The following LRBA variants were observed in gnomAD, a reference collection of about 807,000 sequenced individuals.
LRBA encodes the protein LPS responsive beige-like anchor protein.
Under a neutral mutation model 330.0 loss-of-function variants are expected in LRBA, and 176 were observed. That is an observed-to-expected ratio of 0.53 (90% CI 0.47 to 0.60). The LOEUF (loss-of-function observed/expected upper bound fraction) is 0.60. LRBA is among the 20% of genes least tolerant of loss of function. The pLI, the probability that LRBA is intolerant of heterozygous loss-of-function variation, is 0.00. For synonymous variants in LRBA, 1,230 were observed against 1,193.0 expected, an observed-to-expected ratio of 1.03 and a Z score of -0.64; for missense variants, 3,259 against 3,444.8, an observed-to-expected ratio of 0.95 and a Z score of 1.35.
intron 30 of LRBA, among the ~76,000 whole-genome samples, chr4:150,819,760 A>T (rs982650683): frequency 6.6e-6 from 1 of 152,120 alleles, no homozygotes. Context: ...ACACAACAAA[A>T]GAACTCAACT....
At chr4:150,316,479 C>A (rs929365202) in intron 50 of LRBA, among the ~76,000 whole-genome samples, 1 of 152,100 alleles carries the variant, frequency 6.6e-6, no homozygotes, top group Non-Finnish European at 1.5e-5. Context: ...AAATCATAAA[C>A]CCTAAAACAG....
chr4:150,496,999 G>T (rs980871690), intron 40 of LRBA, among the ~76,000 whole-genome samples: 1 of 151,718 alleles, frequency 6.6e-6, no homozygotes, highest in African/African-American at 2.4e-5. Context: ...CTTTAATATG[G>T]AAAAACTAAT....
chr4:150,818,394 A>G (rs1744903575), intron 30 of LRBA, among the ~76,000 whole-genome samples: 1 of 151,996 alleles, frequency 6.6e-6, no homozygotes, highest in Admixed American at 6.6e-5. Context: ...TATAAGGGTG[A>G]CTGCCAATGT....
chr4:150,322,371 A>T (rs924159538), intron 49 of LRBA, among the ~76,000 whole-genome samples: 1 of 152,194 alleles, frequency 6.6e-6, no homozygotes, highest in African/African-American at 2.4e-5. Flanking sequence ...GCTATCATAC[A>T]GTAATTGCAC....
At chr4:150,759,636 A>C (rs941792128) in intron 35 of LRBA, among the ~76,000 whole-genome samples, 2 of 151,910 alleles carry the variant, frequency 1.3e-5, no homozygotes, top group African/African-American at 4.8e-5. Context: ...ATTTTTTCTC[A>C]CAGTACTAAC....
chr4:150,457,441 G>T lies in LRBA; in HGVS notation c.6780+10232C>A, dbSNP rs187876337. Among the ~76,000 whole-genome samples the T allele has an allele frequency of 3.9e-5, 6 of 152,036 alleles. No individual in the cohort carries two copies. The East Asian group carries it at 1.2e-3, about 29-fold the overall frequency. On this transcript the variant is annotated intron_variant, in intron 44 of 56. Coordinates refer to ENST00000651943, the MANE Select transcript of LRBA (RefSeq NM_001364905.1). ...ATTATTTGAACAAACACATTGAATA[G>T]AACTTGGAGAATAGAATTGGACAGG...
At chr4:150,655,972 C>T (rs1285855020) in intron 37 of LRBA, among the ~76,000 whole-genome samples, 1 of 152,116 alleles carries the variant, frequency 6.6e-6, no homozygotes, top group African/African-American at 2.4e-5. Context: ...CCATCGCAAA[C>T]CTAGTCTAAC....
At chr4:150,729,752 G>C (rs1185919360) in intron 36 of LRBA, among the ~76,000 whole-genome samples, 1 of 152,056 alleles carries the variant, frequency 6.6e-6, no homozygotes, top group Non-Finnish European at 1.5e-5. Context: ...TTATATTACT[G>C]AGTTATAGTA....
chr4:150,825,362 A>C (rs991308867), intron 30 of LRBA, among the ~76,000 whole-genome samples: 1 of 151,986 alleles, frequency 6.6e-6, no homozygotes, highest in African/African-American at 2.4e-5. Flanking sequence ...CACGCAGTTC[A>C]TCTCTTTTTA....
chr4:150,629,316 G>A (rs752790489), intron 37 of LRBA, among the ~76,000 whole-genome samples: 6 of 152,114 alleles, frequency 3.9e-5, no homozygotes, highest in South Asian at 2.1e-4. Flanking sequence ...AAACTACAAC[G>A]GCCCACCAAT....
At chr4:150,385,577 A>C (rs1441803555) in intron 47 of LRBA, among the ~76,000 whole-genome samples, 1 of 152,194 alleles carries the variant, frequency 6.6e-6, no homozygotes, top group East Asian at 1.9e-4. Flanking sequence ...AAAAGAAAAA[A>C]GAAAGATGAA....
chr4:150,581,982 AAG>A (rs1332277217), intron 40 of LRBA: 1 of 145,854 alleles, frequency 6.9e-6, no homozygotes, highest in Non-Finnish European at 1.5e-5. Flanking sequence ...TAGAGGAAAG[AAG>A]AGAGAGCGAG....
At chr4:150,577,126 T>A (rs1398341575) in intron 40 of LRBA, among the ~76,000 whole-genome samples, 1 of 151,966 alleles carries the variant, frequency 6.6e-6, no homozygotes, top group East Asian at 1.9e-4. Context: ...CTTAACACTT[T>A]GGAATTTTAG....
intron 40 of LRBA, among the ~76,000 whole-genome samples, chr4:150,499,316 A>C (rs1262152763): frequency 6.6e-6 from 1 of 152,192 alleles, no homozygotes; most frequent in Non-Finnish European, 1.5e-5. Flanking sequence ...TTGTGACAAT[A>C]ACATGCTATT....
Position 150,929,058 on chromosome 4 carries a change from C to G in LRBA, c.224G>C (p.Gly75Ala), listed in dbSNP as rs370110788. ...IVETVFNLLV[G>A]GQFDLEMNFI... ...ATTCATTTCCAGATCAAACTGTCCTCCTACCAACTTACAAGGAAAAAAAAA... is the reference window on the plus strand; with the variant it reads ...ATTCATTTCCAGATCAAACTGTCCTGCTACCAACTTACAAGGAAAAAAAAA... The change falls in exon 3 of 57, where the codon GGA (glycine) becomes GCA (alanine). Residue 75 changes from glycine to alanine, a missense_variant. Transcript: ENST00000651943. The G allele has an allele frequency of 4.4e-6, 7 of 1,606,168 alleles. No individual in the cohort carries two copies. The highest frequency in any genetic ancestry group is 1.7e-5 in the Admixed American group (1 of 59,278).
chr4:150,434,612 T>C (rs1750855391), intron 46 of LRBA, among the ~76,000 whole-genome samples: 1 of 152,016 alleles, frequency 6.6e-6, no homozygotes, highest in African/African-American at 2.4e-5. Flanking sequence ...TCCCAGCACT[T>C]TGGGTGGCTG....
chr4:150,546,967 T>C (rs567108092), intron 40 of LRBA, among the ~76,000 whole-genome samples: 1 of 152,300 alleles, frequency 6.6e-6, no homozygotes, highest in Non-Finnish European at 1.5e-5. Context: ...TGACAGATAA[T>C]ATTTATTTGT....
intron 53 of LRBA, among the ~76,000 whole-genome samples, chr4:150,294,345 T>C (rs1728700161): frequency 6.6e-6 from 1 of 152,202 alleles, no homozygotes; most frequent in Non-Finnish European, 1.5e-5. Flanking sequence ...CTATAGCTGA[T>C]ATTCTAATTA....
At chr4:150,599,591 G>A (rs1773896712) in intron 37 of LRBA, among the ~76,000 whole-genome samples, 1 of 152,018 alleles carries the variant, frequency 6.6e-6, no homozygotes, top group African/African-American at 2.4e-5. Flanking sequence ...TTCCTAATTT[G>A]TGCCTTTTTG....
Sources: allele counts gnomAD v4.1 joint callset (sites outside exome capture counted in the v4.1 genomes callset), GRCh38; gene constraint gnomAD v4.1.1; transcripts MANE v1.5; gene names NCBI Gene and HGNC (gene_info 2026-07-23, HGNC 2026-07-21).